The following SLC25A24 variants were observed in gnomAD, a reference collection of about 807,000 sequenced individuals.
SLC25A24 encodes mitochondrial adenyl nucleotide antiporter SLC25A24.
A neutral mutation model predicts 60.7 loss-of-function variants in SLC25A24; 49 were observed. The observed-to-expected ratio is 0.81, with a 90% confidence interval of 0.64 to 1.02. The LOEUF (loss-of-function observed/expected upper bound fraction) is 1.02, where lower values mean the gene tolerates loss of function less well. SLC25A24 is among the 50% of genes least tolerant of loss of function. The pLI, the probability that SLC25A24 is intolerant of heterozygous loss-of-function variation, is 0.00. For missense variants in SLC25A24, 564 were observed against 586.3 expected (o/e 0.96, Z 0.39); for synonymous variants, 202 against 200.6 (o/e 1.01, Z -0.06).
intron 3 of SLC25A24, among the ~76,000 whole-genome samples, chr1:108,165,756 G>C (rs1680235215): frequency 6.6e-6 from 1 of 152,166 alleles, no homozygotes; most frequent in African/African-American, 2.4e-5. Flanking sequence ...CAATTTGCCA[G>C]TCTGTGTCTT....
At chr1:108,170,049 G>A (rs765641495) in intron 3 of SLC25A24, among the ~76,000 whole-genome samples, 7 of 151,646 alleles carry the variant, frequency 4.6e-5, no homozygotes, top group South Asian at 2.1e-4. Flanking sequence ...TACCTTCTTC[G>A]AGATTATTCC....
chr1:108,142,983 C>A (rs1398782166), intron 8 of SLC25A24, among the ~76,000 whole-genome samples: 1 of 152,142 alleles, frequency 6.6e-6, no homozygotes, highest in Admixed American at 6.5e-5. Context: ...TCTGTCGCAG[C>A]ACAGATAACC....
chr1:108,182,114 A>T, intron 2 of SLC25A24, 86 bp from the exon 3 acceptor site: 1 of 970,202 alleles, frequency 1.0e-6, no homozygotes, highest in Non-Finnish European at 1.6e-6. Context: ...CTCATTTAAG[A>T]GAAAGCTTTA....
chr1:108,164,617 T>G (rs1218599373), intron 3 of SLC25A24, among the ~76,000 whole-genome samples: 1 of 149,936 alleles, frequency 6.7e-6, no homozygotes, highest in East Asian at 2.0e-4. Flanking sequence ...TAGTTTGTAT[T>G]TCTGTGGGAT....
In SLC25A24 at chr1:108,180,295, G is replaced by A. The variant is rs571083454; in HGVS notation, c.398+1646C>T. 4.6e-5 allele frequency among the ~76,000 whole-genome samples: 7 copies of A among 152,018 alleles called. No homozygotes were observed. The South Asian group carries it at 1.5e-3, about 32-fold the overall frequency. On this transcript the variant is annotated intron_variant, in intron 3 of 9. Transcript: ENST00000565488. ...CAGGAGAATTGCTTGAACCTGGGAG[G>A]CGGAGGTTGCAGTGAGCTGAGATCG...
chr1:108,135,465 G>A lies in SLC25A24; in HGVS notation c.*1188C>T, dbSNP rs1213981021. 1 of 152,324 alleles carries A rather than the reference G, an allele frequency of 6.6e-6. No individual in the cohort carries two copies. Among genetic ancestry groups the A allele is most frequent in the Admixed American group, 6.6e-5 (1 of 15,258 alleles). 9.4% of individuals were successfully genotyped at this position (152,324 alleles called of 1,614,324 possible). On this transcript the variant is annotated 3_prime_UTR_variant, in exon 10 of 10. Coordinates refer to ENST00000565488, the MANE Select transcript of SLC25A24 (RefSeq NM_013386.5). Reference sequence around the variant, plus strand: ...AGTTCTAATCACACAAATAAGAAAAGATAGTTGACTATAAAAATGGCTTTA... The same window carrying A: ...AGTTCTAATCACACAAATAAGAAAAAATAGTTGACTATAAAAATGGCTTTA...
chr1:108,176,175 G>T (rs954773476), intron 3 of SLC25A24, among the ~76,000 whole-genome samples: 5 of 151,858 alleles, frequency 3.3e-5, no homozygotes, highest in African/African-American at 1.2e-4. Flanking sequence ...ATAAAGAGAT[G>T]AAATAATAAA....
chr1:108,158,023 A>G (rs1457407942), intron 4 of SLC25A24, among the ~76,000 whole-genome samples: 1 of 152,176 alleles, frequency 6.6e-6, no homozygotes, highest in Admixed American at 6.5e-5. Flanking sequence ...TTCGTTCATC[A>G]ATTCTTAAAC....
Position 108,154,541 on chromosome 1 carries a change from A to G in SLC25A24, c.822+442T>C, listed in dbSNP as rs190325363. On this transcript the variant is annotated intron_variant, in intron 6 of 9. Coordinates refer to ENST00000565488, the MANE Select transcript of SLC25A24 (RefSeq NM_013386.5). ...GTCTAGGTGCTGGAGTACATGGGGA[A>G]GAAGCCACGCCCCTGCCTTCATGGA... is the stretch of plus-strand genomic sequence containing the variant. Among the ~76,000 whole-genome samples, 3 of 152,326 alleles carry G rather than the reference A, an allele frequency of 2.0e-5. No homozygotes were observed. In the East Asian group the frequency reaches 5.8e-4, roughly 29 times the overall value.
intron 7 of SLC25A24, among the ~76,000 whole-genome samples, chr1:108,147,509 T>C (rs1469279737): frequency 6.6e-6 from 1 of 152,188 alleles, no homozygotes; most frequent in Non-Finnish European, 1.5e-5. Context: ...TCTTAGGGTG[T>C]CGATTTTAGA....
intron 3 of SLC25A24, among the ~76,000 whole-genome samples, chr1:108,166,605 A>T (rs1055964517): frequency 1.3e-5 from 2 of 152,048 alleles, no homozygotes; most frequent in Non-Finnish European, 2.9e-5. Context: ...AGGCTTCTGC[A>T]TTCTTCATGT....
intron 5 of SLC25A24, 79 bp downstream of exon 5, chr1:108,157,383 A>G: frequency 6.9e-7 from 1 of 1,447,974 alleles, no homozygotes; most frequent in Non-Finnish European, 9.4e-7. Flanking sequence ...AAATTTTAAA[A>G]CTTCTTTTTC....
chr1:108,134,197 C>A lies in SLC25A24; in HGVS notation c.*2456G>T, dbSNP rs980720486. 1 of 152,178 alleles carries A rather than the reference C, an allele frequency of 6.6e-6. No individual in the cohort carries two copies. The highest frequency in any genetic ancestry group is 1.5e-5 in the Non-Finnish European group (1 of 68,046). 9.4% of individuals were successfully genotyped at this position (152,178 alleles called of 1,614,324 possible). On this transcript the variant is annotated 3_prime_UTR_variant, in exon 10 of 10. Transcript: ENST00000565488. ...TGCCTTGTGCAGCTGTGGACAGGGA[C>A]AGGTGTGTGGGCAGGGAACTGCCAG...
intron 8 of SLC25A24, among the ~76,000 whole-genome samples, chr1:108,141,761 G>A (rs1256326923): frequency 2.0e-5 from 3 of 152,108 alleles, no homozygotes; most frequent in Non-Finnish European, 2.9e-5. Flanking sequence ...AGCCAGTCAC[G>A]GAAAGAGAAA....
intron 3 of SLC25A24, among the ~76,000 whole-genome samples, chr1:108,174,128 A>G (rs972839216): frequency 1.3e-5 from 2 of 152,236 alleles, no homozygotes; most frequent in Non-Finnish European, 2.9e-5. Flanking sequence ...AATCACTAAG[A>G]CAATGGGGAA....
chr1:108,177,614 T>C (rs1647729381), intron 3 of SLC25A24, among the ~76,000 whole-genome samples: 1 of 152,152 alleles, frequency 6.6e-6, no homozygotes, highest in African/African-American at 2.4e-5. Context: ...AGGAGTAACT[T>C]TACTTGTATC....
intron 8 of SLC25A24, among the ~76,000 whole-genome samples, chr1:108,141,486 C>T (rs1021901391): frequency 1.2e-4 from 18 of 152,130 alleles, no homozygotes; most frequent in African/African-American, 2.2e-4. Context: ...AATAGAATTA[C>T]CATTTGACCC....
intron 1 of SLC25A24, chr1:108,192,537 G>A (rs780405361): frequency 1.3e-6 from 2 of 1,499,024 alleles, no homozygotes; most frequent in East Asian, 2.8e-5. Context: ...ACATCCTCCA[G>A]GCCTTCCTGA....
At position 108,187,927 on chromosome 1, in the gene SLC25A24, G is replaced by GATAGATATATATATATATATATAT; in HGVS notation, c.184-1974_184-1973insATATATATATATATATATATCTAT. On this transcript the variant is annotated intron_variant, in intron 1 of 9. Coordinates refer to ENST00000565488, the MANE Select transcript of SLC25A24 (RefSeq NM_013386.5). ...TACACGAAATGGATAAGACATTATAGATATATATATATATATATTCATGCA... is the reference window on the plus strand; with the variant it reads ...TACACGAAATGGATAAGACATTATAGATAGATATATATATATATATATATATATATATATATATATATTCATGCA... 5.3e-3 allele frequency among the ~76,000 whole-genome samples: 507 copies of GATAGATATATATATATATATATAT among 95,728 alleles called. 16 individuals carry two copies. Among genetic ancestry groups the GATAGATATATATATATATATATAT allele is most frequent in the Middle Eastern group, 0.02 (3 of 150 alleles). 62.8% of individuals were successfully genotyped at this position (95,728 alleles called of 152,430 possible). A position where few individuals can be genotyped will look rare whatever the true frequency, so the allele number is the denominator to read the frequency against.
Sources: allele counts gnomAD v4.1 joint callset (sites outside exome capture counted in the v4.1 genomes callset), GRCh38; gene constraint gnomAD v4.1.1; transcripts MANE v1.5; gene names NCBI Gene and HGNC (gene_info 2026-07-23, HGNC 2026-07-21).